Variants in OR2C1 observed in about 807,000 individuals in gnomAD.
OR2C1 encodes olfactory receptor 2C1.
For missense variants in OR2C1, 468 were observed against 388.3 expected (o/e 1.21, Z -1.73); for synonymous variants, 209 against 167.3 (o/e 1.25, Z -1.92).
chr16:3,333,207 G>T, the OR2C1 span, among the ~76,000 whole-genome samples: 3 of 66,678 alleles, frequency 4.5e-5, no homozygotes, highest in African/African-American at 5.7e-5. Context: ...CGGATCTTTT[G>T]CCCATTTTTT....
chr16:3,337,366 A>G, the OR2C1 span, among the ~76,000 whole-genome samples: 1 of 137,964 alleles, frequency 7.2e-6, no homozygotes, highest in Admixed American at 7.3e-5. Context: ...ACGGGGTTTC[A>G]CCATGTTGCC....
chr16:3,335,593 A>C, the OR2C1 span, among the ~76,000 whole-genome samples: 4 of 121,788 alleles, frequency 3.3e-5, no homozygotes, highest in Admixed American at 4.6e-4. Context: ...GTAGCGCAAT[A>C]TTGGCTCACT....
At chr16:3,325,473 A>C in the OR2C1 span, among the ~76,000 whole-genome samples, 591 of 30,230 alleles carry the variant, frequency 0.02, 6 homozygotes, top group African/African-American at 0.07. Flanking sequence ...ATATATATAT[A>C]TATATATATA....
At chr16:3,329,160 G>C in the OR2C1 span, among the ~76,000 whole-genome samples, 1 of 87,024 alleles carries the variant, frequency 1.1e-5, no homozygotes, top group Non-Finnish European at 2.1e-5. Flanking sequence ...AGGAAGGGAT[G>C]GGAGGGAAGA....
At chr16:3,343,349 C>T in the OR2C1 span, among the ~76,000 whole-genome samples, 13 of 152,220 alleles carry the variant, frequency 8.5e-5, no homozygotes, top group Non-Finnish European at 1.9e-4. Context: ...ATCCTTTTGC[C>T]TCCCAAAGTG....
At chr16:3,324,570 T>C in the OR2C1 span, among the ~76,000 whole-genome samples, 7 of 152,182 alleles carry the variant, frequency 4.6e-5, no homozygotes, top group Non-Finnish European at 1.0e-4. Context: ...GAGAAAAATA[T>C]CTAACTAAAC....
At chr16:3,344,857 G>T in the OR2C1 span, among the ~76,000 whole-genome samples, 1 of 152,008 alleles carries the variant, frequency 6.6e-6, no homozygotes, top group East Asian at 1.9e-4. Flanking sequence ...GTGCATCTGG[G>T]TATATCTCTA....
the OR2C1 span, among the ~76,000 whole-genome samples, chr16:3,343,751 C>CA: frequency 2.6e-4 from 40 of 151,048 alleles, no homozygotes; most frequent in African/African-American, 9.7e-4. Flanking sequence ...GACCCTGTCT[C>CA]AAAAAATAAA....
At chr16:3,355,133 G>C (rs1346465606), upstream of OR2C1, among the ~76,000 whole-genome samples, 3 of 151,922 alleles carry the variant, frequency 2.0e-5, no homozygotes, top group Non-Finnish European at 4.4e-5. Context: ...TTTCCATTCG[G>C]TGTGTAACCA....
upstream of OR2C1, among the ~76,000 whole-genome samples, chr16:3,355,600 G>A (rs2030652864): frequency 6.6e-6 from 1 of 151,930 alleles, no homozygotes; most frequent in African/African-American, 2.4e-5. Context: ...TGGGCAACAT[G>A]GCAAAACCCC....
At chr16:3,336,547 G>A in the OR2C1 span, among the ~76,000 whole-genome samples, 1 of 151,870 alleles carries the variant, frequency 6.6e-6, no homozygotes, top group Non-Finnish European at 1.5e-5. Flanking sequence ...TTTTAGTAGA[G>A]ATGGAGTTTC....
At chr16:3,339,618 G>C in the OR2C1 span, among the ~76,000 whole-genome samples, 2 of 151,902 alleles carry the variant, frequency 1.3e-5, no homozygotes, top group African/African-American at 4.8e-5. Context: ...CACTATGCCC[G>C]GCTAATTTTT....
chr16:3,348,698 G>T, the OR2C1 span, among the ~76,000 whole-genome samples: 2 of 152,192 alleles, frequency 1.3e-5, no homozygotes, highest in Non-Finnish European at 1.5e-5. Context: ...TCCACCCTTA[G>T]AGTGTCTTGA....
downstream of OR2C1, among the ~76,000 whole-genome samples, chr16:3,357,644 G>A (rs1367958198): frequency 6.6e-6 from 1 of 152,164 alleles, no homozygotes; most frequent in African/African-American, 2.4e-5. Flanking sequence ...CAAGTGCTGG[G>A]ATTATGGGTG....
the OR2C1 span, among the ~76,000 whole-genome samples, chr16:3,328,067 G>A: frequency 1.3e-5 from 2 of 152,050 alleles, no homozygotes; most frequent in African/African-American, 2.4e-5. Context: ...TTGTAATGAG[G>A]AATTTTCTCT....
At chr16:3,326,112 G>A in the OR2C1 span, among the ~76,000 whole-genome samples, 13 of 151,800 alleles carry the variant, frequency 8.6e-5, no homozygotes, top group African/African-American at 2.9e-4. Context: ...TTTATTTTTA[G>A]TAGAGACAGG....
rs1239722381 is a variant in OR2C1, at chr16:3,356,733, A to T, written c.793A>T (p.Asn265Tyr). Residue 265 changes from asparagine (N) to tyrosine (Y), a missense_variant, in exon 1 of 1, where the codon AAC becomes TAC. Transcript: ENST00000304936. ...ASYGYLLPAK[N>Y]SKQDQGKFIS... Reference sequence around the variant, plus strand: ...CTATGGGTATCTGCTTCCGGCCAAGAACAGCAAACAGGACCAGGGCAAGTT... The same window carrying T: ...CTATGGGTATCTGCTTCCGGCCAAGTACAGCAAACAGGACCAGGGCAAGTT... 3 of 1,613,954 alleles carry T rather than the reference A, an allele frequency of 1.9e-6. No individual in the cohort carries two copies. The highest frequency in any genetic ancestry group is 2.5e-6 in the Non-Finnish European group (3 of 1,179,936).
At chr16:3,334,888 G>C in the OR2C1 span, among the ~76,000 whole-genome samples, 1 of 151,344 alleles carries the variant, frequency 6.6e-6, no homozygotes, top group Non-Finnish European at 1.5e-5. Flanking sequence ...GCTTGATCTC[G>C]GCTCACTGCA....
At chr16:3,337,163 T>C in the OR2C1 span, among the ~76,000 whole-genome samples, 2 of 146,288 alleles carry the variant, frequency 1.4e-5, no homozygotes, top group African/African-American at 5.1e-5. Context: ...CCTTTTTTTT[T>C]CTTTTTTTGG....
Sources: allele counts gnomAD v4.1 joint callset (sites outside exome capture counted in the v4.1 genomes callset), GRCh38; gene constraint gnomAD v4.1.1; transcripts MANE v1.5; gene names NCBI Gene and HGNC (gene_info 2026-07-23, HGNC 2026-07-21).